RACGAP1: variants seen among roughly 807,000 people sequenced by gnomAD.
RACGAP1 encodes the protein rac GTPase-activating protein 1.
A neutral mutation model predicts 78.1 loss-of-function variants in RACGAP1; 30 were observed. That is an observed-to-expected ratio of 0.38 (90% CI 0.29 to 0.52). RACGAP1 has a LOEUF of 0.52. RACGAP1 is among the 20% of genes least tolerant of loss of function. The probability of loss-of-function intolerance (pLI) is 0.82; values close to 1 mark genes in which losing one functional copy is unlikely to be tolerated. For missense variants in RACGAP1, 587 were observed against 777.1 expected, an observed-to-expected ratio of 0.76 and a Z score of 2.91; for synonymous variants, 231 against 264.8, an observed-to-expected ratio of 0.87 and a Z score of 1.24.
chr12:49,995,998 G>A (rs544987147), intron 10 of RACGAP1, among the ~76,000 whole-genome samples: 10 of 152,180 alleles, frequency 6.6e-5, no homozygotes, highest in African/African-American at 1.9e-4. Context: ...AGGAGGCAAC[G>A]ACAGTATTGA....
upstream of RACGAP1, among the ~76,000 whole-genome samples, chr12:50,026,679 C>T (rs1412369238): frequency 1.3e-5 from 2 of 151,962 alleles, no homozygotes; most frequent in South Asian, 2.1e-4. Flanking sequence ...TTTTGTAACC[C>T]GAAAATTTGA....
upstream of RACGAP1, among the ~76,000 whole-genome samples, chr12:50,030,019 C>T (rs1592252126): frequency 1.3e-5 from 2 of 152,054 alleles, no homozygotes; most frequent in Non-Finnish European, 2.9e-5. Context: ...GCCTGTAATC[C>T]CAGTGCTTTG....
chr12:50,006,858 T>C (rs1296225178), intron 2 of RACGAP1, among the ~76,000 whole-genome samples: 1 of 152,204 alleles, frequency 6.6e-6, no homozygotes, highest in Non-Finnish European at 1.5e-5. Flanking sequence ...CCACTTACTT[T>C]TGGCTTAGCC....
At chr12:50,015,176 G>A (rs1283723583) in intron 2 of RACGAP1, among the ~76,000 whole-genome samples, 3 of 151,706 alleles carry the variant, frequency 2.0e-5, no homozygotes, top group Non-Finnish European at 2.9e-5. Context: ...CACTATGCCC[G>A]ACCGCTAATA....
chr12:50,001,198 G>T lies in RACGAP1; in HGVS notation c.604C>A (p.Arg202Ser), dbSNP rs746938824. ...DGPPGPVKKT[R>S]SIGSAVDQGN... is the part of the protein sequence containing the mutation. ...TGGTCTACTGCAGAGCCAATGGAACGAGTTTTCTTTACAGGTCCAGGGGGA... is the reference window on the plus strand; with the variant it reads ...TGGTCTACTGCAGAGCCAATGGAACTAGTTTTCTTTACAGGTCCAGGGGGA... The change falls in exon 7 of 17, where the codon CGT (arginine) becomes AGT (serine). Residue 202 changes from arginine to serine, a missense_variant. By Grantham distance (110) the Arg-to-Ser change is moderately radical. Transcript: ENST00000312377. The T allele has an allele frequency of 2.5e-6, 4 of 1,610,684 alleles. No homozygotes were observed. The highest frequency in any genetic ancestry group is 3.4e-6 in the Non-Finnish European group (4 of 1,176,934).
chr12:49,999,211 G>A lies in RACGAP1; in HGVS notation c.809C>T (p.Thr270Ile). ...TLNSRQLEPR[T>I]ETDSVGTPQS... Reference sequence around the variant, plus strand: ...TGGCGTGCCCACACTGTCTGTCTCAGTTCTTGGCTCCAGCTGCCTGCTGTT... The same window carrying A: ...TGGCGTGCCCACACTGTCTGTCTCAATTCTTGGCTCCAGCTGCCTGCTGTT... Residue 270 changes from threonine to isoleucine, a missense_variant, in exon 9 of 17, where the codon ACT (threonine) becomes ATT (isoleucine). Transcript: ENST00000312377. 6.2e-7 allele frequency: 1 copy of A among 1,614,110 alleles called. No homozygotes were observed. Among genetic ancestry groups the A allele is most frequent in the South Asian group, 1.1e-5 (1 of 91,076 alleles).
At chr12:50,013,027 C>T (rs1489078321) in intron 2 of RACGAP1, among the ~76,000 whole-genome samples, 8 of 151,874 alleles carry the variant, frequency 5.3e-5, no homozygotes, top group African/African-American at 1.9e-4. Flanking sequence ...TGCGCCATCG[C>T]ACTCCAGCCT....
At chr12:50,003,686 C>A (rs942267847) in intron 5 of RACGAP1, among the ~76,000 whole-genome samples, 4 of 152,136 alleles carry the variant, frequency 2.6e-5, no homozygotes, top group Non-Finnish European at 5.9e-5. Flanking sequence ...AAGAAGTGTG[C>A]CGCCCCATAA....
intron 2 of RACGAP1, among the ~76,000 whole-genome samples, 153 bp downstream of exon 2, chr12:50,016,478 C>T (rs894841215): frequency 2.0e-5 from 3 of 152,138 alleles, no homozygotes; most frequent in Non-Finnish European, 4.4e-5. Flanking sequence ...GAATGAGTGC[C>T]CATTAGGCTT....
intron 3 of RACGAP1, among the ~76,000 whole-genome samples, 181 bp from the exon 4 acceptor site, chr12:50,005,573 C>A (rs1948925993): frequency 6.6e-6 from 1 of 152,216 alleles, no homozygotes; most frequent in African/African-American, 2.4e-5. Flanking sequence ...TCTCTGATTT[C>A]TGACTGGTAA....
At chr12:49,991,515 G>A (rs1429750844) in intron 15 of RACGAP1, among the ~76,000 whole-genome samples, 7 of 77,428 alleles carry the variant, frequency 9.0e-5, no homozygotes, top group Non-Finnish European at 1.5e-4. Flanking sequence ...TTTAGACAGA[G>A]TCTCACTCTG....
intron 10 of RACGAP1, among the ~76,000 whole-genome samples, chr12:49,995,257 A>G (rs1040080056): frequency 6.6e-6 from 1 of 152,146 alleles, no homozygotes; most frequent in African/African-American, 2.4e-5. Flanking sequence ...CTGAGGCAGG[A>G]GAATCGCTTG....
intron 8 of RACGAP1, 172 bp downstream of exon 8, chr12:49,999,444 T>C: frequency 9.8e-7 from 1 of 1,022,286 alleles, no homozygotes; most frequent in Non-Finnish European, 1.4e-6. Context: ...GCCAGTGGGC[T>C]AGCAATTCAA....
In RACGAP1 at chr12:49,992,251, T is replaced by G. The variant is rs1286772484; in HGVS notation, c.1572A>C (p.Gln524His). 11 of 1,614,150 alleles carry G rather than the reference T, an allele frequency of 6.8e-6. No individual in the cohort carries two copies. Among genetic ancestry groups the G allele is most frequent in the South Asian group, 3.3e-5 (3 of 91,090 alleles). ...PVTMLQDIKR[Q>H]PKVVERLLSL... ...CACACACGCACCTGCCTACCTTGGGTTGACGCTTGATGTCCTGTAACATTG... is the reference window on the plus strand; with the variant it reads ...CACACACGCACCTGCCTACCTTGGGGTGACGCTTGATGTCCTGTAACATTG... Residue 524 changes from glutamine (Q) to histidine (H), a missense_variant, in exon 14 of 17, where the codon CAA becomes CAC. By Grantham distance (24) the Gln-to-His change is conservative. Coordinates refer to ENST00000312377, the MANE Select transcript of RACGAP1 (RefSeq NM_001319999.2).
At chr12:50,029,346 A>G (rs1007048545), upstream of RACGAP1, among the ~76,000 whole-genome samples, 100 of 152,108 alleles carry the variant, frequency 6.6e-4, no homozygotes, top group African/African-American at 2.4e-3. Context: ...AGATCGCGCC[A>G]CTGCACACCA....
At chr12:50,025,584 G>A (rs914106735), upstream of RACGAP1, 11 of 971,384 alleles carry the variant, frequency 1.1e-5, no homozygotes, top group African/African-American at 1.6e-4. Context: ...GAGGTGACGG[G>A]AACGGGAATG....
chr12:50,030,771 TTA>T (rs1950325322), intron 2 of RACGAP1, among the ~76,000 whole-genome samples: 1 of 149,854 alleles, frequency 6.7e-6, no homozygotes, highest in South Asian at 2.1e-4. Flanking sequence ...ATGTTCAATT[TTA>T]TGTCTTTTGT....
chr12:49,990,022 C>G lies in RACGAP1; in HGVS notation c.*246G>C, dbSNP rs1252635238. ...CCAATTCCATACTAACCCTTCTACC[C>G]CTGGAAAGATGTCTCATCTAAAAGC... On this transcript the variant is annotated 3_prime_UTR_variant, in exon 17 of 17. Coordinates refer to ENST00000312377, the MANE Select transcript of RACGAP1 (RefSeq NM_001319999.2). 2.4e-6 allele frequency: 1 copy of G among 414,618 alleles called. No individual in the cohort carries two copies. Among genetic ancestry groups the G allele is most frequent in the Non-Finnish European group, 4.3e-6 (1 of 231,152 alleles). The allele number at this position is 414,618 out of a possible 1,614,324, so 25.7% of individuals were successfully genotyped here.
At chr12:50,028,138 T>C (rs976424621), upstream of RACGAP1, among the ~76,000 whole-genome samples, 2 of 151,992 alleles carry the variant, frequency 1.3e-5, no homozygotes, top group African/African-American at 4.8e-5. Context: ...AAGGGAAAAA[T>C]GTAAAGGTAG....
Sources: gnomAD v4.1 joint callset for allele counts (sites outside exome capture counted in the v4.1 genomes callset) on GRCh38, gnomAD v4.1.1 for gene constraint, MANE v1.5 for transcripts, NCBI Gene and HGNC (gene_info 2026-07-23, HGNC 2026-07-21) for gene names.